The following SI variants were observed in gnomAD, a reference collection of about 807,000 sequenced individuals.
SI encodes sucrase-isomaltase, intestinal.
SI carries 235 observed loss-of-function variants against 253.3 expected under a neutral mutation model. That is an observed-to-expected ratio of 0.93 (90% CI 0.83 to 1.03). The LOEUF is 1.03. Ranked by LOEUF, SI falls within the 50% of genes least tolerant of loss-of-function variation. The pLI, the probability that SI is intolerant of heterozygous loss-of-function variation, is 0.00. For synonymous variants in SI, 819 were observed against 712.0 expected, an observed-to-expected ratio of 1.15 and a Z score of -2.39; for missense variants, 2,442 against 2,211.1, an observed-to-expected ratio of 1.10 and a Z score of -2.09.
chr3:165,026,474 A>G (rs1370811312), intron 25 of SI, among the ~76,000 whole-genome samples: 1 of 151,374 alleles, frequency 6.6e-6, no homozygotes, highest in Non-Finnish European at 1.5e-5. Context: ...ATACCCCAGA[A>G]AAAATGGACT....
At chr3:165,063,580 G>A (rs11718901) in intron 7 of SI, 39 bp from the exon 8 acceptor site, 526,457 of 872,686 alleles carry the variant, frequency 0.6, 161,164 homozygotes, top group East Asian at 0.83. Flanking sequence ...TTTCAAATAT[G>A]TTTAAAACAC....
Position 164,982,407 on chromosome 3 carries a change from T to C in SI, c.5251A>G (p.Thr1751Ala). The change falls in exon 47 of 48, where the codon ACC becomes GCC. Residue 1751 changes from threonine to alanine, a missense_variant. Physicochemically the swap from Thr to Ala is moderately conservative, Grantham distance 58 (BLOSUM62 0). Transcript: ENST00000264382. ...LSVQFNLNQT[T>A]LTSTILKRGY... ...CTCTTCAATATAGTGCTTGTTAAGGTGGTCTATAAATAAAGAAAAAGGAAT... is the reference window on the plus strand; with the variant it reads ...CTCTTCAATATAGTGCTTGTTAAGGCGGTCTATAAATAAAGAAAAAGGAAT... 6.2e-7 allele frequency: 1 copy of C among 1,607,630 alleles called. No individual in the cohort carries two copies.
At chr3:164,990,500 C>A (rs990088773) in intron 44 of SI, among the ~76,000 whole-genome samples, 1 of 152,084 alleles carries the variant, frequency 6.6e-6, no homozygotes, top group African/African-American at 2.4e-5. Flanking sequence ...GGGTCTCTTG[C>A]ATTTTTATAT....
intron 24 of SI, among the ~76,000 whole-genome samples, chr3:165,031,361 T>G (rs1467288897): frequency 6.8e-6 from 1 of 147,314 alleles, no homozygotes; most frequent in South Asian, 2.1e-4. Flanking sequence ...ATATATATAA[T>G]ATATATATAT....
chr3:165,076,982 T>G (rs1424485871), intron 1 of SI, among the ~76,000 whole-genome samples: 1 of 150,282 alleles, frequency 6.7e-6, no homozygotes, highest in African/African-American at 2.4e-5. Flanking sequence ...CGGTTTGTTT[T>G]TTTTTTTTTT....
chr3:165,008,668 C>T (rs1052554405), intron 35 of SI, among the ~76,000 whole-genome samples: 4 of 151,856 alleles, frequency 2.6e-5, no homozygotes, highest in African/African-American at 7.2e-5. Context: ...AAAGTTTCCA[C>T]ATAGTGACAG....
upstream of SI, among the ~76,000 whole-genome samples, chr3:165,082,004 GATAA>G (rs1384531011): frequency 6.6e-6 from 1 of 151,910 alleles, no homozygotes; most frequent in Non-Finnish European, 1.5e-5. Context: ...CAGATGCATA[GATAA>G]ATAAATAACA....
At chr3:165,048,538 T>G (rs954593716) in intron 15 of SI, among the ~76,000 whole-genome samples, 1 of 142,348 alleles carries the variant, frequency 7.0e-6, no homozygotes, top group African/African-American at 2.6e-5. Flanking sequence ...AAAAGAGTCT[T>G]AGTTAAATAT....
At chr3:164,997,446 T>TTC (rs1394840161) in intron 38 of SI, among the ~76,000 whole-genome samples, 2 of 151,596 alleles carry the variant, frequency 1.3e-5, no homozygotes, top group Non-Finnish European at 3.0e-5. Context: ...ATGTTTCTTT[T>TTC]TTTTTTTTAG....
chr3:165,029,999 T>G (rs1187164487), intron 25 of SI, among the ~76,000 whole-genome samples: 1 of 150,820 alleles, frequency 6.6e-6, no homozygotes, highest in Admixed American at 6.6e-5. Context: ...GCAGAGATTC[T>G]ATGCATCTCT....
intron 26 of SI, among the ~76,000 whole-genome samples, chr3:165,022,600 T>TACAC (rs147881967): frequency 3.8e-4 from 49 of 128,080 alleles, no homozygotes; most frequent in Middle Eastern, 3.9e-3. Context: ...CCATCACACA[T>TACAC]ACACACACAC....
At chr3:165,052,011 A>T (rs188956098) in intron 13 of SI, among the ~76,000 whole-genome samples, 244 of 151,976 alleles carry the variant, frequency 1.6e-3, no homozygotes, top group African/African-American at 5.4e-3. Flanking sequence ...CTGAGGCAAA[A>T]TTTTTTTTCA....
intron 43 of SI, among the ~76,000 whole-genome samples, chr3:164,991,829 C>A (rs1717748701): frequency 6.6e-6 from 1 of 151,988 alleles, no homozygotes; most frequent in Admixed American, 6.6e-5. Flanking sequence ...TGAAAAGTCA[C>A]AAAAGCTCTG....
intron 15 of SI, 105 bp from the exon 16 acceptor site, chr3:165,047,117 T>C: frequency 1.1e-6 from 1 of 877,110 alleles, no homozygotes; most frequent in Non-Finnish European, 1.7e-6. Flanking sequence ...ATAGTTTGGC[T>C]GTGTCCCCAC....
At chr3:165,019,047 ATAT>A (rs1488684753) in intron 28 of SI, among the ~76,000 whole-genome samples, 6 of 151,864 alleles carry the variant, frequency 4.0e-5, no homozygotes, top group East Asian at 3.9e-4. Context: ...ATTATAGATA[ATAT>A]TATTTGTTGC....
chr3:165,062,552 C>A, intron 8 of SI, 69 bp from the exon 9 acceptor site: 14 of 775,450 alleles, frequency 1.8e-5, no homozygotes, highest in African/African-American at 5.2e-5. Flanking sequence ...TTGCAAAGTC[C>A]ATTTAAATTA....
intron 18 of SI, 116 bp downstream of exon 18, chr3:165,040,824 T>A: frequency 2.5e-6 from 2 of 802,940 alleles, no homozygotes; most frequent in South Asian, 3.0e-5. Context: ...TACACCAATG[T>A]AAAAACAAGC....
intron 9 of SI, among the ~76,000 whole-genome samples, chr3:165,061,742 C>T (rs1713995173): frequency 6.6e-6 from 1 of 151,988 alleles, no homozygotes; most frequent in Non-Finnish European, 1.5e-5. Context: ...TTAGAATCAT[C>T]TTCAGTGTAG....
intron 9 of SI, among the ~76,000 whole-genome samples, chr3:165,060,707 G>T (rs549272821): frequency 2.0e-5 from 3 of 150,052 alleles, no homozygotes; most frequent in Non-Finnish European, 4.4e-5. Flanking sequence ...TTTTGCACAT[G>T]GAAATTTGGA....
Sources: gnomAD v4.1 joint callset for allele counts (sites outside exome capture counted in the v4.1 genomes callset) on GRCh38, gnomAD v4.1.1 for gene constraint, MANE v1.5 for transcripts, NCBI Gene and HGNC (gene_info 2026-07-23, HGNC 2026-07-21) for gene names.